FRMPD2: variants seen among roughly 807,000 people sequenced by gnomAD.
The protein encoded by FRMPD2 is FERM and PDZ domain-containing protein 2.
FRMPD2 carries 96 observed loss-of-function variants against 140.1 expected under a neutral mutation model. The ratio of observed to expected loss-of-function variants is 0.69; its 90% CI spans 0.58 to 0.81. The LOEUF (loss-of-function observed/expected upper bound fraction) is 0.81, where lower values mean the gene tolerates loss of function less well. FRMPD2 is among the 40% of genes least tolerant of loss of function. The pLI, the probability that FRMPD2 is intolerant of heterozygous loss-of-function variation, is 0.00. For synonymous variants in FRMPD2, 449 were observed against 547.6 expected, an observed-to-expected ratio of 0.82 and a Z score of 2.52; for missense variants, 1,240 against 1,447.4, an observed-to-expected ratio of 0.86 and a Z score of 2.32.
rs1241123641 is a variant in FRMPD2 at position 48,161,212 on chromosome 10, T to C, written c.3881+2116A>G. 5.3e-5 allele frequency among the ~76,000 whole-genome samples: 8 copies of C among 149,962 alleles called. No homozygotes were observed. In the South Asian group the frequency reaches 6.4e-4, roughly 12 times the overall value. On this transcript the variant is annotated intron_variant, in intron 28 of 28. Transcript: ENST00000374201. ...ATGGGCGTTCACAACAGACTGAAGA[T>C]AGGAGACTCCCCTGGAATGCTCTGG...
chr10:48,181,651 G>A (rs571236659), intron 20 of FRMPD2, among the ~76,000 whole-genome samples: 9 of 152,008 alleles, frequency 5.9e-5, no homozygotes, highest in Admixed American at 6.6e-5. Flanking sequence ...AGAAAAGAAC[G>A]TGAGGTTGTG....
intron 15 of FRMPD2, among the ~76,000 whole-genome samples, chr10:48,193,465 T>G (rs1464303918): frequency 6.6e-6 from 1 of 152,226 alleles, no homozygotes; most frequent in African/African-American, 2.4e-5. Flanking sequence ...ACACTTGCCT[T>G]TCTCCTTCCA....
Position 48,212,058 on chromosome 10 carries a change from G to T in FRMPD2, c.1507C>A (p.Leu503Met), listed in dbSNP as rs751824166. The change falls in exon 13 of 29, where the codon CTG becomes ATG. Residue 503 changes from leucine to methionine, a missense_variant. Transcript: ENST00000374201. ...FHVEDYIPAS[L>M]IERMTALRVQ... The stretch of plus-strand genomic sequence containing the variant: ...CGTAGAGCGGTCATCCTCTCGATCA[G>T]ACTCGCTGGGATGTAATCTTCAACG... 1.9e-6 allele frequency: 3 copies of T among 1,614,082 alleles called. No homozygotes were observed. The highest frequency in any genetic ancestry group is 1.7e-5 in the Admixed American group (1 of 60,026).
rs148131021 is a variant in FRMPD2, at chr10:48,239,753, A to C, written c.701-61T>G. ...GCCAAGATCACGGCTTTCTTAAATCAGGCATCTCAGAGCATGAATGGCATC... is the reference window on the plus strand; with the variant it reads ...GCCAAGATCACGGCTTTCTTAAATCCGGCATCTCAGAGCATGAATGGCATC... On this transcript the variant is annotated intron_variant, in intron 6 of 28. Transcript: ENST00000374201. 928 of 1,253,474 alleles carry C rather than the reference A, an allele frequency of 7.4e-4. 4 individuals carry two copies. In the African/African-American group the frequency reaches 0.012, roughly 17 times the overall value. 77.6% of individuals were successfully genotyped at this position (1,253,474 alleles called of 1,614,324 possible). A position where few individuals can be genotyped will look rare whatever the true frequency, so the allele number is the denominator to read the frequency against.
intron 4 of FRMPD2, among the ~76,000 whole-genome samples, chr10:48,242,950 T>C (rs1840160142): frequency 6.6e-6 from 1 of 152,222 alleles, no homozygotes; most frequent in Non-Finnish European, 1.5e-5. Flanking sequence ...ATGACCACAA[T>C]TCATAGGAGA....
At chr10:48,237,881 G>A (rs571425253) in intron 8 of FRMPD2, 110 bp downstream of exon 8, 4 of 1,307,510 alleles carry the variant, frequency 3.1e-6, no homozygotes, top group Admixed American at 3.5e-5. Flanking sequence ...CCTCAGCCCA[G>A]GGAAGTTGTC....
At chr10:48,251,846 A>G (rs1246801095) in intron 1 of FRMPD2, 155 bp from the exon 2 acceptor site, 1 of 747,280 alleles carries the variant, frequency 1.3e-6, no homozygotes, top group Non-Finnish European at 2.2e-6. Flanking sequence ...TCAGGCACAG[A>G]GCCAAGCACA....
intron 25 of FRMPD2, among the ~76,000 whole-genome samples, chr10:48,171,834 T>C (rs1554791714): frequency 2.6e-5 from 4 of 152,272 alleles, no homozygotes; most frequent in Non-Finnish European, 5.9e-5. Flanking sequence ...ACATTCCTAT[T>C]ACTCCTTTAG....
At chr10:48,248,060 A>G (rs1405127645) in intron 3 of FRMPD2, among the ~76,000 whole-genome samples, 1 of 152,172 alleles carries the variant, frequency 6.6e-6, no homozygotes, top group Non-Finnish European at 1.5e-5. Context: ...CCACATCCCC[A>G]TTCTCTGCCT....
chr10:48,211,834 C>T, intron 13 of FRMPD2, 120 bp downstream of exon 13: 1 of 894,770 alleles, frequency 1.1e-6, no homozygotes, highest in Non-Finnish European at 1.6e-6. Context: ...GAGTTCCACC[C>T]TTGCTCATGC....
At chr10:48,177,592 TC>T (rs1189329415) in intron 22 of FRMPD2, 1 of 165,888 alleles carries the variant, frequency 6.0e-6, no homozygotes, top group African/African-American at 2.4e-5. Flanking sequence ...AAAGTGTCAG[TC>T]CTGATGGAGG....
intron 10 of FRMPD2, among the ~76,000 whole-genome samples, chr10:48,231,407 A>T (rs1004964290): frequency 6.6e-6 from 1 of 152,240 alleles, no homozygotes. Flanking sequence ...CTCGCCACTC[A>T]CACAAGAACA....
chr10:48,216,498 G>C (rs187433066), intron 12 of FRMPD2, among the ~76,000 whole-genome samples: 106 of 152,262 alleles, frequency 7.0e-4, no homozygotes, highest in African/African-American at 2.3e-3. Context: ...GCCTCCAGTG[G>C]ATCTGGCCTG....
intron 15 of FRMPD2, among the ~76,000 whole-genome samples, chr10:48,195,734 A>G (rs894402614): frequency 6.6e-6 from 1 of 152,260 alleles, no homozygotes; most frequent in Non-Finnish European, 1.5e-5. Flanking sequence ...CTAAATATCA[A>G]AAATGGGAAG....
Position 48,274,602 on chromosome 10 carries a change from C to T in FRMPD2, c.-35G>A, listed in dbSNP as rs759150549. On this transcript the variant is annotated 5_prime_UTR_variant, in exon 1 of 29. The change abolishes an upstream ATG in the 5' untranslated region. Coordinates refer to ENST00000374201, the MANE Select transcript of FRMPD2 (RefSeq NM_001018071.4). The stretch of plus-strand genomic sequence containing the variant: ...TCCGTGACCAGGTCTAGGCCTTCAT[C>T]ATGGGACAACTTTCCAACAAGGAGC... The T allele has an allele frequency of 6.8e-6, 11 of 1,610,652 alleles. No homozygotes were observed. In the South Asian group the frequency reaches 1.1e-4, roughly 16 times the overall value.
Position 48,274,647 on chromosome 10 carries a change from G to C in FRMPD2, c.-80C>G. On this transcript the variant is annotated 5_prime_UTR_variant, in exon 1 of 29. Transcript: ENST00000374201. ...AGGAGCAGGGGTCTCTTGCAAGTCTGTCCGCGGAGCTCCCTGCCACCAGCA... is the reference window on the plus strand; with the variant it reads ...AGGAGCAGGGGTCTCTTGCAAGTCTCTCCGCGGAGCTCCCTGCCACCAGCA... The C allele has an allele frequency of 7.3e-7, 1 of 1,364,930 alleles. No homozygotes were observed. The highest frequency in any genetic ancestry group is 1.0e-6 in the Non-Finnish European group (1 of 959,470). The allele number at this position is 1,364,930 out of a possible 1,614,324, so 84.6% of individuals were successfully genotyped here.
intron 5 of FRMPD2, among the ~76,000 whole-genome samples, chr10:48,241,460 C>T (rs1840103037): frequency 6.6e-6 from 1 of 152,246 alleles, no homozygotes; most frequent in Admixed American, 6.5e-5. Flanking sequence ...TGGTGCCATT[C>T]CTGCAACAGA....
chr10:48,238,595 C>A (rs1052123787), intron 7 of FRMPD2, among the ~76,000 whole-genome samples: 9 of 152,180 alleles, frequency 5.9e-5, no homozygotes, highest in African/African-American at 2.2e-4. Flanking sequence ...ATAAACTCTA[C>A]GATATCCAAT....
intron 1 of FRMPD2, among the ~76,000 whole-genome samples, chr10:48,265,037 T>G (rs969132742): frequency 6.6e-6 from 1 of 152,082 alleles, no homozygotes; most frequent in Non-Finnish European, 1.5e-5. Context: ...TGGAACAGAA[T>G]AGACAGCCCA....
Sources: gnomAD v4.1 joint callset for allele counts (sites outside exome capture counted in the v4.1 genomes callset) on GRCh38, gnomAD v4.1.1 for gene constraint, MANE v1.5 for transcripts, NCBI Gene and HGNC (gene_info 2026-07-23, HGNC 2026-07-21) for gene names.